DYNC1H1: variants seen among roughly 807,000 people sequenced by gnomAD.
DYNC1H1 encodes cytoplasmic dynein 1 heavy chain 1.
In DYNC1H1, 51 loss-of-function variants were observed where a neutral mutation model predicts 527.1. That is an observed-to-expected ratio of 0.10 (90% CI 0.08 to 0.12). The LOEUF is 0.12. Ranked by LOEUF, DYNC1H1 falls within the 10% of genes least tolerant of loss-of-function variation. DYNC1H1 has a pLI of 1.00. For missense variants in DYNC1H1, 2,771 were observed against 5,971.8 expected (o/e 0.46, Z 17.66); for synonymous variants, 2,189 against 2,278.8 (o/e 0.96, Z 1.12).
intron 5 of DYNC1H1, among the ~76,000 whole-genome samples, chr14:101,981,414 C>T (rs533303544): frequency 2.0e-5 from 3 of 152,358 alleles, no homozygotes; most frequent in South Asian, 2.1e-4. Flanking sequence ...TGAGCTACCA[C>T]TCACAGTCAT....
rs575832785 is a variant in DYNC1H1 at position 102,018,613 on chromosome 14, T to C, written c.8340T>C (p.Ser2780=). The change falls in exon 41 of 78, where the codon TCT becomes TCC. Residue 2780 remains serine (S), a synonymous_variant. Transcript: ENST00000360184. The surrounding 1 kb of genome is among the most constrained non-coding windows in gnomAD (Gnocchi z 5.2). ...TAAMVEFYTM[S]QERFTQDTQP... is the part of the protein sequence containing the mutation. Reference sequence around the variant, plus strand: ...CCATGGTGGAGTTCTACACCATGTCTCAGGTACGCAGAGTTTCTTTGCTCT... The same window carrying C: ...CCATGGTGGAGTTCTACACCATGTCCCAGGTACGCAGAGTTTCTTTGCTCT... 1.2e-6 allele frequency: 2 copies of C among 1,613,754 alleles called. No individual in the cohort carries two copies. Among genetic ancestry groups the C allele is most frequent in the Admixed American group, 1.7e-5 (1 of 60,026 alleles).
rs1239720681 is a variant in DYNC1H1 at position 102,050,532 on chromosome 14, A to G, written c.13910A>G (p.Glu4637Gly). ...ATKEDPRSFY[E>G]RGVAVLCTE ...AAGGAGGATCCTCGCAGCTTCTACG[A>G]GCGGGGTGTCGCAGTCTTGTGCACA... Residue 4637 changes from glutamate (E) to glycine (G), a missense_variant, in exon 78 of 78, where the codon GAG (glutamate) becomes GGG (glycine). Transcript: ENST00000360184. 1 of 1,614,080 alleles carries G rather than the reference A, an allele frequency of 6.2e-7. No individual in the cohort carries two copies.
At position 102,010,897 on chromosome 14, in the gene DYNC1H1, A is replaced by G; in HGVS notation, c.6563A>G (p.Glu2188Gly). Residue 2188 changes from glutamate (E) to glycine (G), a missense_variant, in exon 32 of 78, where the codon GAG (glutamate) becomes GGG (glycine). By Grantham distance (98) the Glu-to-Gly change is moderately conservative. Coordinates refer to ENST00000360184, the MANE Select transcript of DYNC1H1 (RefSeq NM_001376.5). This position sits in a 1 kb window ranked among gnomAD's most constrained non-coding sequence, Gnocchi z 6.0. ...LREELKKVCQ[E>G]MYLTYGDGEE... ...GAGGAGCTGAAGAAAGTGTGTCAGG[A>G]GATGTATTTGACATATGGAGATGGA... is the stretch of plus-strand genomic sequence containing the variant. 6.2e-7 allele frequency: 1 copy of G among 1,614,236 alleles called. No individual in the cohort carries two copies. Among genetic ancestry groups the G allele is most frequent in the Non-Finnish European group, 8.5e-7 (1 of 1,180,046 alleles).
rs1035408536 is a variant in DYNC1H1, at chr14:101,985,913, G to A, written c.1688G>A (p.Arg563Gln). ...GAGAGGATCGACAGAGTGGAGACCC[G>A]GATCACCGCTCGCCTTCGGGATCAG... ...YDERIDRVET[R>Q]ITARLRDQLG... The change falls in exon 8 of 78, where the codon CGG (arginine) becomes CAG (glutamine). Residue 563 changes from arginine to glutamine, a missense_variant. Around this residue, in one of 32 missense-constraint regions of DYNC1H1, gnomAD observed 264 missense variants for 619.4 expected, o/e 0.43. Transcript: ENST00000360184. This position sits in a 1 kb window ranked among gnomAD's most constrained non-coding sequence, Gnocchi z 5.9. The A allele has an allele frequency of 3.1e-6, 5 of 1,614,074 alleles. No individual in the cohort carries two copies. Among genetic ancestry groups the A allele is most frequent in the East Asian group, 2.2e-5 (1 of 44,896 alleles).
chr14:102,018,285 G>A lies in DYNC1H1; in HGVS notation c.8178-166G>A, dbSNP rs190111616. Among the ~76,000 whole-genome samples the A allele has an allele frequency of 3.3e-5, 5 of 152,312 alleles. No homozygotes were observed. The East Asian group carries it at 7.7e-4, about 24-fold the overall frequency. On this transcript the variant is annotated intron_variant, in intron 40 of 77. Coordinates refer to ENST00000360184, the MANE Select transcript of DYNC1H1 (RefSeq NM_001376.5). This position sits in a 1 kb window ranked among gnomAD's most constrained non-coding sequence, Gnocchi z 5.2. Reference sequence around the variant, plus strand: ...CTGTTGTGTGTCAGACCCCAAGCCTGAGCAGCGTGTGTGTGATCTCAGCTA... The same window carrying A: ...CTGTTGTGTGTCAGACCCCAAGCCTAAGCAGCGTGTGTGTGATCTCAGCTA...
Position 102,036,326 on chromosome 14 carries a change from C to T in DYNC1H1, c.10755-163C>T. On this transcript the variant is annotated intron_variant, in intron 56 of 77. Coordinates refer to ENST00000360184, the MANE Select transcript of DYNC1H1 (RefSeq NM_001376.5). This position sits in a 1 kb window ranked among gnomAD's most constrained non-coding sequence, Gnocchi z 5.6. ...AGGATGAGGTGATGTTAGCATTAAGCATGTAAGCTTTATTGGTAAACCTGA... is the reference window on the plus strand; with the variant it reads ...AGGATGAGGTGATGTTAGCATTAAGTATGTAAGCTTTATTGGTAAACCTGA... The T allele has an allele frequency of 5.0e-6, 4 of 799,388 alleles. No homozygotes were observed. Among genetic ancestry groups the T allele is most frequent in the Non-Finnish European group, 8.4e-6 (4 of 476,536 alleles). 49.5% of individuals were successfully genotyped at this position (799,388 alleles called of 1,614,324 possible).
At chr14:102,050,050 G>T (rs1379093535) in intron 76 of DYNC1H1, 21 bp from the exon 77 acceptor site, 2 of 1,539,746 alleles carry the variant, frequency 1.3e-6, no homozygotes, top group East Asian at 6.9e-5. Context: ...CTCAGCCTGG[G>T]TTTTGGCTTC....
chr14:101,991,461 G>A (rs950318366), intron 10 of DYNC1H1, 66 bp from the exon 11 acceptor site: 7 of 1,600,378 alleles, frequency 4.4e-6, no homozygotes, highest in African/African-American at 4.0e-5. Flanking sequence ...GTGAAACTCT[G>A]TCTTAAAAAA....
In DYNC1H1 at chr14:102,015,773, C is replaced by T; in HGVS notation, c.7243-83C>T. On this transcript the variant is annotated intron_variant, in intron 35 of 77. Coordinates refer to ENST00000360184, the MANE Select transcript of DYNC1H1 (RefSeq NM_001376.5). This position sits in a 1 kb window ranked among gnomAD's most constrained non-coding sequence, Gnocchi z 6.9. ...AAATGAGTTTTCCAAGGTCGTATGA[C>T]CTTCTCCTGGGACCAGGTTAGAATC... The T allele has an allele frequency of 6.8e-7, 1 of 1,475,518 alleles. No individual in the cohort carries two copies. Among genetic ancestry groups the T allele is most frequent in the Non-Finnish European group, 9.3e-7 (1 of 1,073,192 alleles). 91.4% of individuals were successfully genotyped at this position (1,475,518 alleles called of 1,614,324 possible).
Position 102,015,705 on chromosome 14 carries a change from A to T in DYNC1H1, c.7243-151A>T, listed in dbSNP as rs1595617026. On this transcript the variant is annotated intron_variant, in intron 35 of 77. Coordinates refer to ENST00000360184, the MANE Select transcript of DYNC1H1 (RefSeq NM_001376.5). The surrounding 1 kb of genome is among the most constrained non-coding windows in gnomAD (Gnocchi z 6.9). The stretch of plus-strand genomic sequence containing the variant: ...CTGGGAAGCAGGGTTTTTGAGAACC[A>T]CCAGGGTGAAGGAATGAGGACTGGT... 14 of 904,592 alleles carry T rather than the reference A, an allele frequency of 1.5e-5. No individual in the cohort carries two copies. In the South Asian group the frequency reaches 2.1e-4, roughly 14 times the overall value. The allele number at this position is 904,592 out of a possible 1,614,324, so 56.0% of individuals were successfully genotyped here.
Position 102,011,470 on chromosome 14 carries a change from C to G in DYNC1H1, c.6619-405C>G, listed in dbSNP as rs2048257752. ...GGGATCTGATGTGTCCTTGTTGAGG[C>G]TGCTCATTGGTGTCTCCTGTCCCAC... On this transcript the variant is annotated intron_variant, in intron 32 of 77. Transcript: ENST00000360184. The surrounding 1 kb of genome is among the most constrained non-coding windows in gnomAD (Gnocchi z 5.3). 2.9e-6 allele frequency: 1 copy of G among 346,552 alleles called. No homozygotes were observed. Among genetic ancestry groups the G allele is most frequent in the Non-Finnish European group, 5.6e-6 (1 of 178,918 alleles). 21.5% of individuals were successfully genotyped at this position (346,552 alleles called of 1,614,324 possible).
intron 1 of DYNC1H1, among the ~76,000 whole-genome samples, chr14:101,970,519 G>A (rs1240701729): frequency 9.8e-6 from 1 of 101,886 alleles, no homozygotes; most frequent in Non-Finnish European, 1.7e-5. Flanking sequence ...GTCTTGCTCT[G>A]TCACCCAGGC....
chr14:102,023,165 T>C (rs1234618487), intron 43 of DYNC1H1: 1 of 410,860 alleles, frequency 2.4e-6, no homozygotes, highest in Non-Finnish European at 4.6e-6. Context: ...CTTGGGAGGC[T>C]TGAGCCCAGG....
chr14:101,977,763 TG>T (rs2047818236), intron 2 of DYNC1H1, among the ~76,000 whole-genome samples: 1 of 152,238 alleles, frequency 6.6e-6, no homozygotes, highest in Non-Finnish European at 1.5e-5. Flanking sequence ...ATGGAACTGT[TG>T]GGTTTGCCTG....
At chr14:101,967,676 C>T (rs1349405628) in intron 1 of DYNC1H1, among the ~76,000 whole-genome samples, 1 of 152,008 alleles carries the variant, frequency 6.6e-6, no homozygotes, top group Non-Finnish European at 1.5e-5. Context: ...CCTATCTCTA[C>T]AGAAAATTAA....
In DYNC1H1 at chr14:102,005,008, T is replaced by C; in HGVS notation, c.5239-34T>C. On this transcript the variant is annotated intron_variant, in intron 25 of 77. Transcript: ENST00000360184. The surrounding 1 kb of genome is among the most constrained non-coding windows in gnomAD (Gnocchi z 4.0). ...TGAAAACGCAGACCAATCTTTAAAATGATCCTTTGGGATCTTGTTTCTGTG... is the reference window on the plus strand; with the variant it reads ...TGAAAACGCAGACCAATCTTTAAAACGATCCTTTGGGATCTTGTTTCTGTG... 2 of 1,614,260 alleles carry C rather than the reference T, an allele frequency of 1.2e-6. No homozygotes were observed. Among genetic ancestry groups the C allele is most frequent in the Non-Finnish European group, 1.7e-6 (2 of 1,180,044 alleles).
chr14:102,021,661 T>TC (rs912203725), intron 42 of DYNC1H1, among the ~76,000 whole-genome samples: 18 of 147,276 alleles, frequency 1.2e-4, no homozygotes, highest in South Asian at 2.2e-4. Flanking sequence ...TTTTTCTTTT[T>TC]TTTTTTTTTT....
intron 29 of DYNC1H1, chr14:102,009,470 A>G (rs867710191): frequency 1.2e-4 from 33 of 270,314 alleles, no homozygotes; most frequent in African/African-American, 5.0e-4. Context: ...GGTAATTCCC[A>G]TGATGTAAGC....
At position 101,980,516 on chromosome 14, in the gene DYNC1H1, C is replaced by G; in HGVS notation, c.927C>G (p.Arg309=). 1 of 1,614,196 alleles carries G rather than the reference C, an allele frequency of 6.2e-7. No homozygotes were observed. ...LTLDILKHGK[R]FHATVSFDTD... is the part of the protein sequence containing the mutation. Reference sequence around the variant, plus strand: ...TGGATATCTTGAAACATGGCAAGCGCTTCCATGCCACCGTCAGTTTTGACA... The same window carrying G: ...TGGATATCTTGAAACATGGCAAGCGGTTCCATGCCACCGTCAGTTTTGACA... Residue 309 remains arginine, a synonymous_variant, in exon 5 of 78, where the codon CGC becomes CGG. Coordinates refer to ENST00000360184, the MANE Select transcript of DYNC1H1 (RefSeq NM_001376.5).
Sources: gnomAD v4.1 joint callset for allele counts (sites outside exome capture counted in the v4.1 genomes callset) on GRCh38, gnomAD v4.1.1 for gene constraint, gnomAD v4.1.1 regional missense constraint, Gnocchi (gnomAD v3.1) non-coding constraint, MANE v1.5 for transcripts, NCBI Gene and HGNC (gene_info 2026-07-23, HGNC 2026-07-21) for gene names.